The following EIF3F variants were observed in gnomAD, a reference collection of about 807,000 sequenced individuals.
EIF3F encodes eukaryotic translation initiation factor 3 subunit F.
EIF3F carries 8 observed loss-of-function variants against 36.0 expected under a neutral mutation model. The ratio of observed to expected loss-of-function variants is 0.22; its 90% confidence interval spans 0.13 to 0.40. EIF3F has a LOEUF of 0.40. Among genes scored for constraint, EIF3F ranks in the 10% least tolerant of loss-of-function variants. The pLI, the probability that EIF3F is intolerant of heterozygous loss-of-function variation, is 1.00. For synonymous variants in EIF3F, 184 were observed against 188.5 expected (o/e 0.98, Z 0.19); for missense variants, 430 against 467.6 (o/e 0.92, Z 0.74).
chr11:7,991,976 G>A (rs545799816), intron 2 of EIF3F, 108 bp from the exon 3 acceptor site: 131 of 1,488,568 alleles, frequency 8.8e-5, no homozygotes, highest in African/African-American at 8.2e-4. Flanking sequence ...CCATTTGTAC[G>A]TACTTCCTGG....
intron 1 of EIF3F, among the ~76,000 whole-genome samples, chr11:7,990,722 GA>G (rs1261956410): frequency 1.3e-5 from 2 of 152,130 alleles, no homozygotes; most frequent in Non-Finnish European, 2.9e-5. Context: ...GTTGGAATTA[GA>G]TAAACACTGG....
Position 7,992,875 on chromosome 11 carries a change from T to G in EIF3F, c.516-12T>G, listed in dbSNP as rs754778091. 3 of 1,613,954 alleles carry G rather than the reference T, an allele frequency of 1.9e-6. No individual in the cohort carries two copies. The South Asian group carries it at 3.3e-5, about 18-fold the overall frequency. The stretch of plus-strand genomic sequence containing the variant: ...TATAGACAGGAGTCCACCACTGTGT[T>G]CCATTTCACAGGTACGCTACGGGCC... On this transcript the variant is annotated splice_polypyrimidine_tract_variant and intron_variant, in intron 3 of 7. Transcript: ENST00000651655.
chr11:7,993,528 A>T (rs1405964680), intron 4 of EIF3F, among the ~76,000 whole-genome samples: 1 of 152,178 alleles, frequency 6.6e-6, no homozygotes, highest in Non-Finnish European at 1.5e-5. Context: ...TTGAGCTTGC[A>T]GGTGGTTAAA....
chr11:7,988,309 C>G (rs1472289764), intron 1 of EIF3F, among the ~76,000 whole-genome samples: 1 of 152,228 alleles, frequency 6.6e-6, no homozygotes, highest in Admixed American at 6.5e-5. Context: ...AACGTCTGAG[C>G]CTGATCTGTG....
intron 4 of EIF3F, among the ~76,000 whole-genome samples, chr11:7,993,960 T>C (rs545396537): frequency 1.4e-5 from 2 of 145,856 alleles, no homozygotes; most frequent in African/African-American, 5.3e-5. Flanking sequence ...AGGTATATAA[T>C]TGACATAGTA....
rs777208072 is a variant in EIF3F at position 7,995,298 on chromosome 11, G to A, written c.927G>A (p.Met309Ile). 3.1e-6 allele frequency: 5 copies of A among 1,614,018 alleles called. No individual in the cohort carries two copies. In the South Asian group the frequency reaches 4.4e-5, roughly 14 times the overall value. ...ACAATACTGTGGGCCGCTTCCTGAT[G>A]AGCCTGGTTAACCAAGTACCGAAAA... ...SADNTVGRFL[M>I]SLVNQVPKIV... Residue 309 changes from methionine to isoleucine, a missense_variant, in exon 7 of 8, where the codon ATG becomes ATA. Coordinates refer to ENST00000651655, the MANE Select transcript of EIF3F (RefSeq NM_003754.3).
At chr11:7,989,534 C>T (rs1246255501) in intron 1 of EIF3F, among the ~76,000 whole-genome samples, 1 of 152,160 alleles carries the variant, frequency 6.6e-6, no homozygotes, top group East Asian at 1.9e-4. Flanking sequence ...TAAATGAAGT[C>T]ATTGGTGCTT....
chr11:7,994,371 G>C, intron 4 of EIF3F, 55 bp from the exon 5 acceptor site: 1 of 1,499,162 alleles, frequency 6.7e-7, no homozygotes, highest in Non-Finnish European at 9.2e-7. Context: ...GCCCAGAATA[G>C]ACATGGAAAC....
In EIF3F at chr11:7,992,526, C is replaced by T. The variant is rs145451446; in HGVS notation, c.516-361C>T. Reference sequence around the variant, plus strand: ...ATTTGAAGTTGCAGTGAGCTATGATCATGCCTTGCCACTGCATTCCAGCCT... The same window carrying T: ...ATTTGAAGTTGCAGTGAGCTATGATTATGCCTTGCCACTGCATTCCAGCCT... On this transcript the variant is annotated intron_variant, in intron 3 of 7. Coordinates refer to ENST00000651655, the MANE Select transcript of EIF3F (RefSeq NM_003754.3). 3.2e-3 allele frequency: 1,342 copies of T among 425,948 alleles called. 4 individuals carry two copies. Among genetic ancestry groups the T allele is most frequent in the Non-Finnish European group, 5.0e-3 (1,162 of 233,436 alleles). 26.4% of individuals were successfully genotyped at this position (425,948 alleles called of 1,614,324 possible). A position where few individuals can be genotyped will look rare whatever the true frequency, so the allele number is the denominator to read the frequency against.
At position 8,001,164 on chromosome 11, in the gene EIF3F, T is replaced by TA. The variant is rs1942216295; in HGVS notation, c.*5145dup. 2 of 152,184 alleles carry TA rather than the reference T, an allele frequency of 1.3e-5. No homozygotes were observed. Among genetic ancestry groups the TA allele is most frequent in the African/African-American group, 4.8e-5 (2 of 41,436 alleles). The allele number at this position is 152,184 out of a possible 1,614,324, so 9.4% of individuals were successfully genotyped here. A position where few individuals can be genotyped will look rare whatever the true frequency, so the allele number is the denominator to read the frequency against. ...GTGAAAAGATGCTTGATCTCACTGATAAAGCATAAATTAAAACGATGTCAT... is the reference window on the plus strand; with the variant it reads ...GTGAAAAGATGCTTGATCTCACTGATAAAAGCATAAATTAAAACGATGTCAT... On this transcript the variant is annotated 3_prime_UTR_variant, in exon 8 of 8. Transcript: ENST00000651655.
rs15879 is a variant in EIF3F, at chr11:7,996,046, C to G, written c.*24C>G. On this transcript the variant is annotated 3_prime_UTR_variant, in exon 8 of 8. Transcript: ENST00000651655. ...GAATGGACCCCAAGCAGTACACTTG[C>G]TGGTCTAGGTATTAACCCCAGGACT... The G allele has an allele frequency of 4.3e-6, 7 of 1,610,278 alleles. No individual in the cohort carries two copies. The highest frequency in any genetic ancestry group is 5.9e-6 in the Non-Finnish European group (7 of 1,176,652).
intron 1 of EIF3F, among the ~76,000 whole-genome samples, chr11:7,988,963 A>G (rs1023721657): frequency 6.6e-6 from 1 of 152,224 alleles, no homozygotes; most frequent in Non-Finnish European, 1.5e-5. Flanking sequence ...AGCATTTTAC[A>G]GAAACTTAAA....
At chr11:7,995,817 T>C (rs1564887609) in intron 7 of EIF3F, 128 bp from the exon 8 acceptor site, 1 of 761,518 alleles carries the variant, frequency 1.3e-6, no homozygotes, top group Non-Finnish European at 2.3e-6. Context: ...TTTTATTCAG[T>C]CTCTCCTAGC....
At chr11:7,990,133 G>A (rs1239923622) in intron 1 of EIF3F, among the ~76,000 whole-genome samples, 2 of 152,198 alleles carry the variant, frequency 1.3e-5, no homozygotes, top group Non-Finnish European at 2.9e-5. Context: ...GAAAATATCA[G>A]GGATGACTTC....
chr11:7,998,134 T>C lies in EIF3F; in HGVS notation c.*2112T>C, dbSNP rs769165140. The C allele has an allele frequency of 5.3e-5, 8 of 152,306 alleles. No individual in the cohort carries two copies. The highest frequency in any genetic ancestry group is 2.1e-4 in the South Asian group (1 of 4,828). The allele number at this position is 152,306 out of a possible 1,614,324, so 9.4% of individuals were successfully genotyped here. ...CTGTTCTCATTATCTATAGTAGTTATGTTTTATAAAGTCACCATGAACACT... is the reference window on the plus strand; with the variant it reads ...CTGTTCTCATTATCTATAGTAGTTACGTTTTATAAAGTCACCATGAACACT... On this transcript the variant is annotated 3_prime_UTR_variant, in exon 8 of 8. Transcript: ENST00000651655.
At position 7,993,067 on chromosome 11, in the gene EIF3F, G is replaced by C. The variant is rs879120523; in HGVS notation, c.653+43G>C. On this transcript the variant is annotated intron_variant, in intron 4 of 7. Transcript: ENST00000651655. ...CTACAAGGGCATAAAACCATGCCCA[G>C]ATGCCATCCCTCCCCCACCCCAAGC... 6.0e-6 allele frequency: 9 copies of C among 1,511,210 alleles called. No individual in the cohort carries two copies. In the South Asian group the frequency reaches 1.2e-4, roughly 20 times the overall value. The allele number at this position is 1,511,210 out of a possible 1,614,324, so 93.6% of individuals were successfully genotyped here. A position where few individuals can be genotyped will look rare whatever the true frequency, so the allele number is the denominator to read the frequency against.
chr11:7,995,409 C>T (rs1181224887), intron 7 of EIF3F, 42 bp downstream of exon 7: 3 of 1,463,196 alleles, frequency 2.1e-6, no homozygotes, highest in Admixed American at 1.7e-5. Context: ...GGTTTCTTCC[C>T]CCACCTCAGC....
intron 1 of EIF3F, among the ~76,000 whole-genome samples, chr11:7,991,052 G>A (rs889907994): frequency 1.2e-4 from 18 of 151,928 alleles, no homozygotes; most frequent in South Asian, 2.1e-4. Flanking sequence ...AAAATTAGCT[G>A]GGCGTGGTGA....
Position 7,996,207 on chromosome 11 carries a change from G to C in EIF3F, c.*185G>C. The C allele has an allele frequency of 1.2e-5, 7 of 562,356 alleles. No homozygotes were observed. In the East Asian group the frequency reaches 2.0e-4, roughly 16 times the overall value. 34.8% of individuals were successfully genotyped at this position (562,356 alleles called of 1,614,324 possible). On this transcript the variant is annotated 3_prime_UTR_variant, in exon 8 of 8. Coordinates refer to ENST00000651655, the MANE Select transcript of EIF3F (RefSeq NM_003754.3). Reference sequence around the variant, plus strand: ...TGTGAGTTTATTGCCGGGTGGAAGGGAGGAAAATGTTTTAGATCACACAGA... The same window carrying C: ...TGTGAGTTTATTGCCGGGTGGAAGGCAGGAAAATGTTTTAGATCACACAGA...
Sources: allele counts gnomAD v4.1 joint callset (sites outside exome capture counted in the v4.1 genomes callset), GRCh38; gene constraint gnomAD v4.1.1; transcripts MANE v1.5; gene names NCBI Gene and HGNC (gene_info 2026-07-23, HGNC 2026-07-21).